Variants in TTC1 observed in about 807,000 individuals in gnomAD.
TTC1 encodes tetratricopeptide repeat domain 1, also known as tetratricopeptide repeat protein 1.
TTC1 carries 31 observed loss-of-function variants against 37.6 expected under a neutral mutation model. The observed-to-expected ratio is 0.82, with a 90% CI of 0.62 to 1.11. The LOEUF is 1.11. TTC1 is among the 50% of genes most tolerant of loss of function. The pLI is 0.00. For missense variants in TTC1, 351 were observed against 339.0 expected, an observed-to-expected ratio of 1.04 and a Z score of -0.28; for synonymous variants, 127 against 122.4, an observed-to-expected ratio of 1.04 and a Z score of -0.25.
At chr5:160,028,022 G>T (rs1045530376) in intron 2 of TTC1, among the ~76,000 whole-genome samples, 1 of 152,032 alleles carries the variant, frequency 6.6e-6, no homozygotes, top group African/African-American at 2.4e-5. Context: ...AGCCTTGGCC[G>T]GGCGCGGTGG....
chr5:160,016,235 A>C (rs1185265285), intron 2 of TTC1, among the ~76,000 whole-genome samples: 2 of 152,152 alleles, frequency 1.3e-5, no homozygotes, highest in Non-Finnish European at 2.9e-5. Context: ...AAAATTAGCC[A>C]GGTATGGCGG....
At chr5:160,053,928 C>T (rs1289576337) in intron 7 of TTC1, among the ~76,000 whole-genome samples, 2 of 152,086 alleles carry the variant, frequency 1.3e-5, no homozygotes, top group African/African-American at 4.8e-5. Flanking sequence ...CCTTTCTAGC[C>T]CATCATTTAT....
chr5:160,049,193 T>C (rs1757336477), intron 5 of TTC1, among the ~76,000 whole-genome samples: 1 of 152,244 alleles, frequency 6.6e-6, no homozygotes, highest in African/African-American at 2.4e-5. Flanking sequence ...GTGAAAATTA[T>C]GTGAACTTAA....
In TTC1 at chr5:160,061,360, A is replaced by G. The variant is rs1015992070; in HGVS notation, c.746-3572A>G. On this transcript the variant is annotated intron_variant, in intron 7 of 7. Transcript: ENST00000231238. Reference sequence around the variant, plus strand: ...GAATCTTCCCCTTCCTGACTCTCGTAGCATTTTATAACTCAGCTACATATG... The same window carrying G: ...GAATCTTCCCCTTCCTGACTCTCGTGGCATTTTATAACTCAGCTACATATG... 2.6e-5 allele frequency among the ~76,000 whole-genome samples: 4 copies of G among 152,288 alleles called. No individual in the cohort carries two copies. The East Asian group carries it at 7.7e-4, about 29-fold the overall frequency.
At chr5:160,023,897 G>C in intron 2 of TTC1, 1 of 1,603,738 alleles carries the variant, frequency 6.2e-7, no homozygotes, top group Non-Finnish European at 8.5e-7. Flanking sequence ...ATTCCTTGTG[G>C]GGTCAGGCTT....
At chr5:160,039,822 A>T (rs1008466240) in intron 4 of TTC1, among the ~76,000 whole-genome samples, 3 of 152,202 alleles carry the variant, frequency 2.0e-5, no homozygotes, top group African/African-American at 7.2e-5. Flanking sequence ...AGAGTTTTTG[A>T]TATTTGAATT....
chr5:160,042,341 T>G (rs527900823), intron 4 of TTC1, among the ~76,000 whole-genome samples: 1 of 152,366 alleles, frequency 6.6e-6, no homozygotes, highest in Non-Finnish European at 1.5e-5. Context: ...ATTGAACACT[T>G]ATTTGAAATA....
At chr5:160,054,625 A>T (rs545425470) in intron 7 of TTC1, among the ~76,000 whole-genome samples, 92 of 152,240 alleles carry the variant, frequency 6.0e-4, no homozygotes, top group African/African-American at 2.1e-3. Context: ...AAGAAAAAAG[A>T]AAAGAAAAAT....
intron 6 of TTC1, among the ~76,000 whole-genome samples, chr5:160,050,025 A>T (rs1484133384): frequency 6.6e-6 from 1 of 152,156 alleles, no homozygotes; most frequent in East Asian, 1.9e-4. Context: ...GTGAGCTGAG[A>T]TCATGCCACT....
intron 2 of TTC1, among the ~76,000 whole-genome samples, chr5:160,027,686 T>C (rs1756830748): frequency 6.6e-6 from 1 of 152,266 alleles, no homozygotes; most frequent in African/African-American, 2.4e-5. Flanking sequence ...CTTTGTTCAT[T>C]GTGAAAGTCT....
At chr5:160,023,882 G>A (rs754355736) in intron 2 of TTC1, 42 of 1,608,368 alleles carry the variant, frequency 2.6e-5, no homozygotes, top group Non-Finnish European at 3.5e-5. Context: ...TCTTTTTCTA[G>A]AAGGATTCCT....
intron 4 of TTC1, among the ~76,000 whole-genome samples, chr5:160,041,144 T>C (rs1372948837): frequency 6.6e-6 from 1 of 152,100 alleles, no homozygotes; most frequent in Non-Finnish European, 1.5e-5. Flanking sequence ...TGCCCTGTTC[T>C]GGAATACTTC....
chr5:160,027,508 T>C (rs1299494322), intron 2 of TTC1, among the ~76,000 whole-genome samples: 2 of 152,226 alleles, frequency 1.3e-5, no homozygotes, highest in African/African-American at 4.8e-5. Context: ...CTTTTGTCTT[T>C]TAAAGAAATT....
At chr5:160,010,966 C>A in intron 2 of TTC1, 108 bp downstream of exon 2, 1 of 1,066,190 alleles carries the variant, frequency 9.4e-7, no homozygotes, top group Non-Finnish European at 1.3e-6. Context: ...TAACTTGCCC[C>A]TTTGTCTTCT....
chr5:160,045,503 C>A, intron 5 of TTC1, among the ~76,000 whole-genome samples: 1 of 103,258 alleles, frequency 9.7e-6, no homozygotes, highest in South Asian at 3.5e-4. Context: ...CACACACACA[C>A]ACACACACAC....
At chr5:160,045,438 C>T (rs78643925) in intron 5 of TTC1, among the ~76,000 whole-genome samples, 10,548 of 133,336 alleles carry the variant, frequency 0.079, 584 homozygotes, top group Admixed American at 0.16. Flanking sequence ...TGAGAGCCCC[C>T]GACATCCCCC....
rs1287314139 is a variant in TTC1, at chr5:160,065,062, A to AT, written c.877dup (p.Ter293LeufsTer20). The stretch of plus-strand genomic sequence containing the variant: ...TCGTTCAAAATCCAAATAATAACAG[A>AT]TAACAAAGATAACAAAAGCTTTACA... On this transcript the variant is annotated frameshift_variant, in exon 8 of 8. Transcript: ENST00000231238. LOFTEE classifies it high-confidence loss of function. 5.6e-6 allele frequency: 9 copies of AT among 1,608,232 alleles called. No homozygotes were observed. The highest frequency in any genetic ancestry group is 6.8e-6 in the Non-Finnish European group (8 of 1,178,826).
intron 2 of TTC1, among the ~76,000 whole-genome samples, chr5:160,031,105 A>T (rs1482629381): frequency 6.6e-6 from 1 of 152,234 alleles, no homozygotes; most frequent in Non-Finnish European, 1.5e-5. Context: ...TTGTACTGGG[A>T]TCATCAATTC....
At chr5:160,043,057 C>A in intron 4 of TTC1, 76 bp from the exon 5 acceptor site, 1 of 1,429,530 alleles carries the variant, frequency 7.0e-7, no homozygotes, top group South Asian at 1.3e-5. Flanking sequence ...TATTAGTGAT[C>A]AGATCATGTC....
Sources: gnomAD v4.1 joint callset for allele counts (sites outside exome capture counted in the v4.1 genomes callset) on GRCh38, gnomAD v4.1.1 for gene constraint, MANE v1.5 for transcripts, NCBI Gene and HGNC (gene_info 2026-07-23, HGNC 2026-07-21) for gene names.